The following MORC4 variants were observed in gnomAD, a reference collection of about 807,000 sequenced individuals.
MORC4 encodes MORC family CW-type zinc finger protein 4.
In MORC4, 22 loss-of-function variants were observed where a neutral mutation model predicts 65.5. The observed-to-expected ratio is 0.34, with a 90% CI of 0.24 to 0.48. MORC4 has a LOEUF of 0.48. MORC4 is among the 20% of genes least tolerant of loss of function. The pLI is 0.99. For synonymous variants in MORC4, 267 were observed against 255.8 expected (o/e 1.04, Z -0.42); for missense variants, 624 against 703.0 (o/e 0.89, Z 1.27).
chrX:106,978,318 C>A (rs773297041), intron 7 of MORC4, 119 bp from the exon 8 acceptor site: 3 of 671,896 alleles, frequency 4.5e-6, no homozygotes, highest in Non-Finnish European at 6.4e-6. Flanking sequence ...AACCTTTTTG[C>A]GGGCATTTAA....
intron 14 of MORC4, among the ~76,000 whole-genome samples, chrX:106,952,959 AATC>A (rs1383630399): frequency 8.9e-6 from 1 of 112,392 alleles, no homozygotes; most frequent in African/African-American, 3.2e-5. Flanking sequence ...GAAATGACAC[AATC>A]ATCATTTACT....
intron 9 of MORC4, among the ~76,000 whole-genome samples, chrX:106,967,109 G>T (rs996036736): frequency 2.7e-5 from 3 of 111,387 alleles, no homozygotes; most frequent in Admixed American, 9.5e-5. Flanking sequence ...GCTTCCAGAG[G>T]AAGGATCAGG....
rs183012746 is a variant in MORC4 at position 106,992,453 on chromosome X, G to A, written c.308+777C>T. ...CTGCTAAAAGGAAGAGAGAAGGAAG[G>A]AGTTGAAGGAATACTCATATTCCAC... is the stretch of plus-strand genomic sequence containing the variant. On this transcript the variant is annotated intron_variant, in intron 3 of 16. Coordinates refer to ENST00000355610, the MANE Select transcript of MORC4 (RefSeq NM_024657.5). Among the ~76,000 whole-genome samples, 24 of 112,486 alleles carry A rather than the reference G, an allele frequency of 2.1e-4. No homozygotes were observed. The East Asian group carries it at 2.2e-3, about 10-fold the overall frequency.
chrX:106,954,860 G>A (rs1934064664), intron 14 of MORC4, 53 bp downstream of exon 14: 2 of 1,110,030 alleles, frequency 1.8e-6, no homozygotes, highest in Non-Finnish European at 2.4e-6. Flanking sequence ...TTACTCTACA[G>A]GAAAACAGAC....
intron 9 of MORC4, among the ~76,000 whole-genome samples, chrX:106,969,965 T>C (rs1602492758): frequency 8.9e-6 from 1 of 111,960 alleles, no homozygotes; most frequent in African/African-American, 3.2e-5. Flanking sequence ...GAATCCTCCC[T>C]AACTCATTTT....
intron 10 of MORC4, 112 bp from the exon 11 acceptor site, chrX:106,958,576 T>C (rs1934163521): frequency 1.6e-6 from 1 of 620,406 alleles, no homozygotes; most frequent in Non-Finnish European, 2.3e-6. Context: ...ATATGAAATA[T>C]GTTGGGAATG....
chrX:106,961,739 C>G, intron 10 of MORC4, among the ~76,000 whole-genome samples: 2 of 111,856 alleles, frequency 1.8e-5, no homozygotes, highest in South Asian at 7.7e-4. Flanking sequence ...TCCACCCCAG[C>G]AAGCAGTGGC....
intron 11 of MORC4, among the ~76,000 whole-genome samples, 164 bp downstream of exon 11, chrX:106,958,172 T>C (rs962488163): frequency 8.9e-6 from 1 of 112,020 alleles, no homozygotes; most frequent in Non-Finnish European, 1.9e-5. Context: ...AAAGTTTGTG[T>C]TAAGATACCA....
rs1933664121 is a variant in MORC4 at position 106,941,253 on chromosome X, G to C, written c.*226C>G. ...AGTGACTATTGCTTTTCTGACCCTA[G>C]ACTCTTGAAAGCCTATTTAAACTGG... On this transcript the variant is annotated 3_prime_UTR_variant, in exon 17 of 17. Coordinates refer to ENST00000355610, the MANE Select transcript of MORC4 (RefSeq NM_024657.5). 3.1e-6 allele frequency: 1 copy of C among 318,074 alleles called. No individual in the cohort carries two copies. Among genetic ancestry groups the C allele is most frequent in the Admixed American group, 5.6e-5 (1 of 17,987 alleles). The allele number at this position is 318,074 out of a possible 1,213,427, so 26.2% of individuals were successfully genotyped here. A position where few individuals can be genotyped will look rare whatever the true frequency, so the allele number is the denominator to read the frequency against.
At chrX:106,999,550 G>C (rs902893175) in intron 2 of MORC4, 127 bp downstream of exon 2, 2 of 516,181 alleles carry the variant, frequency 3.9e-6, no homozygotes, top group Middle Eastern at 6.9e-4. Flanking sequence ...AGCCGGGGCC[G>C]GTTCCGAGGC....
chrX:106,999,356 G>A (rs761964578), intron 2 of MORC4, among the ~76,000 whole-genome samples: 8 of 111,687 alleles, frequency 7.2e-5, no homozygotes, highest in Non-Finnish European at 1.1e-4. Flanking sequence ...CTGCCTCAGG[G>A]CCCGAGGTTT....
At chrX:106,943,350 T>C (rs1462756315) in intron 14 of MORC4, 145 bp from the exon 15 acceptor site, 28 of 465,664 alleles carry the variant, frequency 6.0e-5, no homozygotes, top group Non-Finnish European at 9.7e-5. Context: ...GATACAACTT[T>C]ACCCACAAGC....
At chrX:106,967,600 A>C (rs1896170932) in intron 9 of MORC4, among the ~76,000 whole-genome samples, 2 of 112,345 alleles carry the variant, frequency 1.8e-5, no homozygotes, top group Admixed American at 9.4e-5. Context: ...AATTAGAACA[A>C]CCAGTGTAGA....
In MORC4 at chrX:106,989,103, G is replaced by A. The variant is rs183996867; in HGVS notation, c.309-2903C>T. On this transcript the variant is annotated intron_variant, in intron 3 of 16. Coordinates refer to ENST00000355610, the MANE Select transcript of MORC4 (RefSeq NM_024657.5). ...ATATGTAATATAAAAGAATGAAAGA[G>A]TGCTAAGCAGACTGTTATTCTCCAG... Among the ~76,000 whole-genome samples the A allele has an allele frequency of 4.4e-5, 5 of 112,619 alleles. No individual in the cohort carries two copies. In the East Asian group the frequency reaches 1.1e-3, roughly 25 times the overall value.
At chrX:106,950,811 C>T (rs899223121) in intron 14 of MORC4, among the ~76,000 whole-genome samples, 18 of 111,690 alleles carry the variant, frequency 1.6e-4, no homozygotes, top group African/African-American at 5.9e-4. Flanking sequence ...GAGGGAGCCC[C>T]CATCTTCTAG....
rs1360418159 is a variant in MORC4 at position 106,984,227 on chromosome X, A to C, written c.674+869T>G. 2.7e-5 allele frequency among the ~76,000 whole-genome samples: 3 copies of C among 109,249 alleles called. No individual in the cohort carries two copies. In the East Asian group the frequency reaches 8.8e-4, roughly 32 times the overall value. 94.9% of individuals were successfully genotyped at this position (109,249 alleles called of 115,157 possible). A position where few individuals can be genotyped will look rare whatever the true frequency, so the allele number is the denominator to read the frequency against. ...CTTGAACCCAGGAGGTGAAGGTTAC[A>C]GTGAACCAAGTTTGCACCACTGCAC... On this transcript the variant is annotated intron_variant, in intron 5 of 16. Coordinates refer to ENST00000355610, the MANE Select transcript of MORC4 (RefSeq NM_024657.5).
intron 9 of MORC4, among the ~76,000 whole-genome samples, chrX:106,969,426 A>C (rs1231481598): frequency 8.9e-6 from 1 of 111,972 alleles, no homozygotes; most frequent in Non-Finnish European, 1.9e-5. Flanking sequence ...CTAGAGAAGC[A>C]AGAGCAAACA....
At chrX:106,988,333 T>G (rs752016629) in intron 3 of MORC4, among the ~76,000 whole-genome samples, 2 of 111,890 alleles carry the variant, frequency 1.8e-5, no homozygotes, top group Admixed American at 9.5e-5. Context: ...CTATCACCTC[T>G]TTTCCCCTTT....
intron 2 of MORC4, among the ~76,000 whole-genome samples, chrX:106,994,974 AT>A (rs369206244): frequency 9.2e-4 from 103 of 111,663 alleles, no homozygotes; most frequent in African/African-American, 3.2e-3. Flanking sequence ...TACCTCAAAC[AT>A]TTATCATTTC....
Sources: gnomAD v4.1 joint callset for allele counts (sites outside exome capture counted in the v4.1 genomes callset) on GRCh38, gnomAD v4.1.1 for gene constraint, MANE v1.5 for transcripts, NCBI Gene and HGNC (gene_info 2026-07-23, HGNC 2026-07-21) for gene names.